The following TXNDC5 variants were observed in gnomAD, a reference collection of about 807,000 sequenced individuals.
TXNDC5 encodes thioredoxin domain-containing protein 5.
TXNDC5 carries 44 observed loss-of-function variants against 52.6 expected under a neutral mutation model. That is an observed-to-expected ratio of 0.84 (90% CI 0.66 to 1.08). TXNDC5 has a LOEUF of 1.08. Among genes scored for constraint, TXNDC5 ranks in the 50% least tolerant of loss-of-function variants. The probability of loss-of-function intolerance (pLI) is 0.00; values close to 1 mark genes in which losing one functional copy is unlikely to be tolerated. For missense variants in TXNDC5, 600 were observed against 565.5 expected, an observed-to-expected ratio of 1.06 and a Z score of -0.62; for synonymous variants, 241 against 234.4, an observed-to-expected ratio of 1.03 and a Z score of -0.26.
chr6:7,883,009 AAAG>A lies in TXNDC5; in HGVS notation c.*132_*134del, dbSNP rs148798713. 1 of 1,205,810 alleles carries A rather than the reference AAAG, an allele frequency of 8.3e-7. No homozygotes were observed. The highest frequency in any genetic ancestry group is 1.5e-5 in the African/African-American group (1 of 65,420). 74.7% of individuals were successfully genotyped at this position (1,205,810 alleles called of 1,614,324 possible). ...GTGTTGGCTTGGAAAACACACACACAAAGAAGATACCTCACGCTTAGTATGTTC... is the reference window on the plus strand; with the variant it reads ...GTGTTGGCTTGGAAAACACACACACAAAGATACCTCACGCTTAGTATGTTC... On this transcript the variant is annotated 3_prime_UTR_variant, in exon 10 of 10. Coordinates refer to ENST00000379757, the MANE Select transcript of TXNDC5 (RefSeq NM_030810.5).
In TXNDC5 at chr6:7,895,181, G is replaced by A; in HGVS notation, c.541C>T (p.Pro181Ser). Reference sequence around the variant, plus strand: ...TGCTTGAGCTCGGGGGCACTGGGCGGTTCCACTTCCGGCTCTGGTGTCTAA... The same window carrying A: ...TGCTTGAGCTCGGGGGCACTGGGCGATTCCACTTCCGGCTCTGGTGTCTAA... ...EPVTPEPEVE[P>S]PSAPELKQGL... is the part of the protein sequence containing the mutation. The change falls in exon 4 of 10, where the codon CCG becomes TCG. Residue 181 changes from proline (P) to serine (S), a missense_variant. Pro to Ser is a moderately conservative substitution (Grantham distance 74). Coordinates refer to ENST00000379757, the MANE Select transcript of TXNDC5 (RefSeq NM_030810.5). The A allele has an allele frequency of 6.2e-7, 1 of 1,613,382 alleles. No individual in the cohort carries two copies. Among genetic ancestry groups the A allele is most frequent in the Non-Finnish European group, 8.5e-7 (1 of 1,179,722 alleles).
chr6:7,910,670 G>A lies in TXNDC5; in HGVS notation c.107C>T (p.Ala36Val), dbSNP rs1273296859. 2 of 1,131,524 alleles carry A rather than the reference G, an allele frequency of 1.8e-6. No individual in the cohort carries two copies. The highest frequency in any genetic ancestry group is 1.1e-4 in the East Asian group (2 of 18,708). 70.1% of individuals were successfully genotyped at this position (1,131,524 alleles called of 1,614,324 possible). The change falls in exon 1 of 10, where the codon GCC becomes GTC. Residue 36 changes from alanine to valine, a missense_variant. Ala to Val is a moderately conservative substitution (Grantham distance 64). Transcript: ENST00000379757. ...CGCCGCCGCCGCCTCCTGGGCCCGG[G>A]CGCCCCAGCGCCCGCCGCCGCCATG... The part of the protein sequence containing the change: ...LGHGGGGRWG[A>V]RAQEAAAAAA...
At chr6:7,885,907 T>C (rs1759956081) in intron 8 of TXNDC5, 54 bp downstream of exon 8, 2 of 1,548,900 alleles carry the variant, frequency 1.3e-6, no homozygotes, top group Non-Finnish European at 1.8e-6. Context: ...CTGAAAAACA[T>C]GATGTGACTT....
chr6:7,906,928 G>A (rs1408617729), intron 1 of TXNDC5, among the ~76,000 whole-genome samples: 1 of 152,188 alleles, frequency 6.6e-6, no homozygotes, highest in African/African-American at 2.4e-5. Flanking sequence ...ACAGGTTTGA[G>A]AACTAGTCCA....
chr6:7,903,999 C>T (rs1208384604), intron 2 of TXNDC5, among the ~76,000 whole-genome samples: 1 of 152,208 alleles, frequency 6.6e-6, no homozygotes, highest in Non-Finnish European at 1.5e-5. Flanking sequence ...AGACCCCAGG[C>T]CCCTGGAGCT....
chr6:7,893,977 T>A (rs756664620), intron 4 of TXNDC5, among the ~76,000 whole-genome samples: 6 of 152,356 alleles, frequency 3.9e-5, no homozygotes, highest in Non-Finnish European at 7.3e-5. Context: ...GAGACTTATG[T>A]ATTCACACTG....
chr6:7,897,146 AATAAT>A (rs1760397944), intron 3 of TXNDC5, among the ~76,000 whole-genome samples: 1 of 152,222 alleles, frequency 6.6e-6, no homozygotes, highest in African/African-American at 2.4e-5. Flanking sequence ...CACATGATAA[AATAAT>A]ATAAGACATG....
At chr6:7,883,559 G>A (rs972110413) in intron 9 of TXNDC5, among the ~76,000 whole-genome samples, 17 of 152,150 alleles carry the variant, frequency 1.1e-4, no homozygotes, top group Non-Finnish European at 2.1e-4. Flanking sequence ...GATCACCTGC[G>A]GATCTGCTGA....
In TXNDC5 at chr6:7,895,154, C is replaced by CT; in HGVS notation, c.567dup (p.Gly190ArgfsTer4). The CT allele has an allele frequency of 6.2e-7, 1 of 1,613,872 alleles. No homozygotes were observed. The highest frequency in any genetic ancestry group is 8.5e-7 in the Non-Finnish European group (1 of 1,179,908). ...TTGCTTGCTGAGAGCTCATACAGCCCTTGCTTGAGCTCGGGGGCACTGGGC... is the reference window on the plus strand; with the variant it reads ...TTGCTTGCTGAGAGCTCATACAGCCCTTTGCTTGAGCTCGGGGGCACTGGGC... On this transcript the variant is annotated frameshift_variant, in exon 4 of 10. Transcript: ENST00000379757. LOFTEE classifies it high-confidence loss of function.
rs1015568569 is a variant in TXNDC5 at position 7,881,919 on chromosome 6, C to G, written c.*1225G>C. The G allele has an allele frequency of 6.6e-6, 1 of 152,224 alleles. No individual in the cohort carries two copies. Among genetic ancestry groups the G allele is most frequent in the Non-Finnish European group, 1.5e-5 (1 of 68,012 alleles). 9.4% of individuals were successfully genotyped at this position (152,224 alleles called of 1,614,324 possible). ...TAGCTCGATGGTAAAAGGACAAACA[C>G]CTATCTATCTTAGAGCTTAAGCCTG... On this transcript the variant is annotated 3_prime_UTR_variant, in exon 10 of 10. Coordinates refer to ENST00000379757, the MANE Select transcript of TXNDC5 (RefSeq NM_030810.5).
At chr6:7,898,060 A>G (rs1460293164) in intron 3 of TXNDC5, among the ~76,000 whole-genome samples, 1 of 151,562 alleles carries the variant, frequency 6.6e-6, no homozygotes, top group Non-Finnish European at 1.5e-5. Flanking sequence ...TACAGTTCAG[A>G]GAGTTTTTTT....
chr6:7,895,632 C>A (rs1403283499), intron 3 of TXNDC5, among the ~76,000 whole-genome samples: 1 of 152,182 alleles, frequency 6.6e-6, no homozygotes, highest in East Asian at 1.9e-4. Context: ...CTTGCAGACA[C>A]CAGAGTGCCC....
In TXNDC5 at chr6:7,885,915, C is replaced by G. The variant is rs1271900076; in HGVS notation, c.1046+46G>C. On this transcript the variant is annotated intron_variant, in intron 8 of 9. Transcript: ENST00000379757. ...AGATGAGCTGAAAAACATGATGTGA[C>G]TTAGTACACATGGACAAAGTAGTTT... 11 of 1,583,576 alleles carry G rather than the reference C, an allele frequency of 6.9e-6. No homozygotes were observed. In the South Asian group the frequency reaches 1.2e-4, roughly 18 times the overall value.
rs199763784 is a variant in TXNDC5 at position 7,884,434 on chromosome 6, T to C, written c.1101A>G (p.Glu367=). ...TCTTGACCCCCGCCAGACCAGGGAA[T>C]TCCTTTTTAGAGAGTTCCTCCCAAG... The part of the protein sequence containing the change: ...APTWEELSKK[E]FPGLAGVKIA... Residue 367 remains glutamate (E), a synonymous_variant, in exon 9 of 10, where the codon GAA becomes GAG. Coordinates refer to ENST00000379757, the MANE Select transcript of TXNDC5 (RefSeq NM_030810.5). 1 of 1,614,128 alleles carries C rather than the reference T, an allele frequency of 6.2e-7. No homozygotes were observed. Among genetic ancestry groups the C allele is most frequent in the African/African-American group, 1.3e-5 (1 of 75,030 alleles).
chr6:7,891,646 T>C lies in TXNDC5; in HGVS notation c.707A>G (p.His236Arg), dbSNP rs1386843346. 2.5e-6 allele frequency: 4 copies of C among 1,613,848 alleles called. No individual in the cohort carries two copies. Among genetic ancestry groups the C allele is most frequent in the Non-Finnish European group, 3.4e-6 (4 of 1,179,908 alleles). Residue 236 changes from histidine (H) to arginine (R), a missense_variant, in exon 5 of 10, where the codon CAT becomes CGT. By Grantham distance (29) the His-to-Arg change is conservative. Coordinates refer to ENST00000379757, the MANE Select transcript of TXNDC5 (RefSeq NM_030810.5). ...TWEQLALGLE[H>R]SETVKIGKVD... ...CTTGCCAATCTTGACAGTTTCGGAA[T>C]GTTCAAGGCCCAGAGCCAGCTGCTC...
At chr6:7,909,745 A>G in intron 1 of TXNDC5, 3 of 985,254 alleles carry the variant, frequency 3.0e-6, no homozygotes, top group Non-Finnish European at 3.6e-6. Context: ...GGGGTAGCTC[A>G]GCAACCCTCC....
rs1374427009 is a variant in TXNDC5 at position 7,910,165 on chromosome 6, C to G, written c.263+349G>C. ...GCACCGCCCCGGCCGCCGAGCGCCACGTCAGCCGCCAGTGCCCGGCCCGCT... is the reference window on the plus strand; with the variant it reads ...GCACCGCCCCGGCCGCCGAGCGCCAGGTCAGCCGCCAGTGCCCGGCCCGCT... On this transcript the variant is annotated intron_variant, in intron 1 of 9. Transcript: ENST00000379757. 10 of 988,914 alleles carry G rather than the reference C, an allele frequency of 1.0e-5. No individual in the cohort carries two copies. In the East Asian group the frequency reaches 1.0e-3, roughly 100 times the overall value. 61.3% of individuals were successfully genotyped at this position (988,914 alleles called of 1,614,324 possible).
rs1174578246 is a variant in TXNDC5 at position 7,883,008 on chromosome 6, C to A, written c.*136G>T. On this transcript the variant is annotated 3_prime_UTR_variant, in exon 10 of 10. Coordinates refer to ENST00000379757, the MANE Select transcript of TXNDC5 (RefSeq NM_030810.5). Reference sequence around the variant, plus strand: ...TGTGTTGGCTTGGAAAACACACACACAAAGAAGATACCTCACGCTTAGTAT... The same window carrying A: ...TGTGTTGGCTTGGAAAACACACACAAAAAGAAGATACCTCACGCTTAGTAT... 2 of 1,195,460 alleles carry A rather than the reference C, an allele frequency of 1.7e-6. No individual in the cohort carries two copies. The highest frequency in any genetic ancestry group is 3.1e-5 in the African/African-American group (2 of 65,058). The allele number at this position is 1,195,460 out of a possible 1,614,324, so 74.1% of individuals were successfully genotyped here. A position where few individuals can be genotyped will look rare whatever the true frequency, so the allele number is the denominator to read the frequency against.
intron 1 of TXNDC5, among the ~76,000 whole-genome samples, chr6:7,906,064 A>AC (rs894547133): frequency 8.6e-5 from 13 of 150,656 alleles, no homozygotes; most frequent in African/African-American, 3.2e-4. Context: ...ACACAGTGAG[A>AC]CCCCCATCTA....
Sources: gnomAD v4.1 joint callset for allele counts (sites outside exome capture counted in the v4.1 genomes callset) on GRCh38, gnomAD v4.1.1 for gene constraint, MANE v1.5 for transcripts, NCBI Gene and HGNC (gene_info 2026-07-23, HGNC 2026-07-21) for gene names.